TAFA4: variants seen among roughly 807,000 people sequenced by gnomAD.
The protein encoded by TAFA4 is TAFA chemokine like family member 4, also known as chemokine-like protein TAFA-4.
TAFA4 carries 20 observed loss-of-function variants against 21.1 expected under a neutral mutation model. That is an observed-to-expected ratio of 0.95 (90% CI 0.67 to 1.38). TAFA4 has a LOEUF of 1.38. TAFA4 is among the 40% of genes most tolerant of loss of function. TAFA4 has a pLI of 0.00. For synonymous variants in TAFA4, 71 were observed against 67.4 expected, an observed-to-expected ratio of 1.05 and a Z score of -0.26; for missense variants, 211 against 180.9, an observed-to-expected ratio of 1.17 and a Z score of -0.95.
At chr3:68,801,611 A>G (rs1040054071) in intron 3 of TAFA4, among the ~76,000 whole-genome samples, 13 of 152,348 alleles carry the variant, frequency 8.5e-5, no homozygotes, top group Non-Finnish European at 1.9e-4. Context: ...GTGGCAATTC[A>G]TTTAGGTCTT....
chr3:68,754,646 T>C (rs1702624911), intron 3 of TAFA4, among the ~76,000 whole-genome samples: 1 of 152,210 alleles, frequency 6.6e-6, no homozygotes, highest in African/African-American at 2.4e-5. Flanking sequence ...TTTTTCCCTT[T>C]ATATTAGTAA....
intron 2 of TAFA4, among the ~76,000 whole-genome samples, chr3:68,883,940 AAGGCAGGC>A (rs561739941): frequency 4.0e-5 from 6 of 151,386 alleles, no homozygotes; most frequent in African/African-American, 1.5e-4. Flanking sequence ...TCAAAAAAAG[AAGGCAGGC>A]AGGCAGGCAG....
intron 3 of TAFA4, among the ~76,000 whole-genome samples, chr3:68,753,333 A>AGTT (rs1702595361): frequency 2.4e-5 from 2 of 84,458 alleles, no homozygotes; most frequent in African/African-American, 5.6e-5. Flanking sequence ...AGATTGATAG[A>AGTT]GTTTTTTTTT....
Position 68,899,476 on chromosome 3 carries a change from CA to C in TAFA4, c.-122-14167del, listed in dbSNP as rs561759425. Among the ~76,000 whole-genome samples, 435 of 152,010 alleles carry C rather than the reference CA, an allele frequency of 2.9e-3. 5 individuals carry two copies. Among genetic ancestry groups the C allele is most frequent in the African/African-American group, 0.01 (421 of 41,462 alleles). ...TTAAACTTCTTCCATGGTTTGACAT[CA>C]TTGACTCAGATAAAGGCCTAGGAAG... is the stretch of plus-strand genomic sequence containing the variant. On this transcript the variant is annotated intron_variant, in intron 1 of 5. Coordinates refer to ENST00000295569, the MANE Select transcript of TAFA4 (RefSeq NM_182522.5).
At chr3:68,767,385 T>G (rs1353491613) in intron 3 of TAFA4, among the ~76,000 whole-genome samples, 1 of 152,022 alleles carries the variant, frequency 6.6e-6, no homozygotes, top group Non-Finnish European at 1.5e-5. Context: ...AGAATGGAAA[T>G]GATCTCGGGA....
chr3:68,919,647 A>G (rs536983242), intron 1 of TAFA4, among the ~76,000 whole-genome samples: 2 of 152,346 alleles, frequency 1.3e-5, no homozygotes, highest in South Asian at 2.1e-4. Context: ...CAAGTACTCA[A>G]AAGTGACATG....
intron 3 of TAFA4, among the ~76,000 whole-genome samples, chr3:68,850,983 G>A (rs903980470): frequency 6.6e-6 from 1 of 152,110 alleles, no homozygotes; most frequent in East Asian, 1.9e-4. Context: ...ATGGTACTGT[G>A]TAGACTGGGT....
chr3:68,882,716 T>G (rs2089631871), intron 2 of TAFA4, among the ~76,000 whole-genome samples: 1 of 152,224 alleles, frequency 6.6e-6, no homozygotes, highest in Non-Finnish European at 1.5e-5. Flanking sequence ...GCCTCTGGAC[T>G]TCCCCCAAAT....
rs1462317701 is a variant in TAFA4 at position 68,880,802 on chromosome 3, A to G, written c.58T>C (p.Phe20Leu). The change falls in exon 3 of 6, where the codon TTT becomes CTT. Residue 20 changes from phenylalanine to leucine, a missense_variant. Physicochemically the swap from Phe to Leu is conservative, Grantham distance 22. Coordinates refer to ENST00000295569, the MANE Select transcript of TAFA4 (RefSeq NM_182522.5). ...CACACCATTAACACGTAGGCTAGAA[A>G]GAGCCAGTGCGACAGCAACACTGAC... ...AKSVLLSHWL[F>L]LAYVLMVCCK... 6.2e-7 allele frequency: 1 copy of G among 1,613,834 alleles called. No homozygotes were observed. The highest frequency in any genetic ancestry group is 8.5e-7 in the Non-Finnish European group (1 of 1,179,952).
chr3:68,755,806 C>A (rs929742585), intron 3 of TAFA4, among the ~76,000 whole-genome samples: 1 of 152,206 alleles, frequency 6.6e-6, no homozygotes, highest in Non-Finnish European at 1.5e-5. Context: ...GCCCCTCCCA[C>A]ATTAAACCAG....
intron 3 of TAFA4, among the ~76,000 whole-genome samples, chr3:68,864,109 T>A (rs1359329165): frequency 6.6e-6 from 1 of 151,978 alleles, no homozygotes; most frequent in Non-Finnish European, 1.5e-5. Context: ...TTGGACTTTA[T>A]CAAAATAAAA....
At chr3:68,785,233 G>A (rs1275375544) in intron 3 of TAFA4, among the ~76,000 whole-genome samples, 2 of 152,232 alleles carry the variant, frequency 1.3e-5, no homozygotes, top group African/African-American at 4.8e-5. Flanking sequence ...CACCAGTCAG[G>A]AGCCCAGCTG....
At chr3:68,883,122 T>A (rs1312200615) in intron 2 of TAFA4, 1 of 152,312 alleles carries the variant, frequency 6.6e-6, no homozygotes, top group Non-Finnish European at 1.5e-5. Flanking sequence ...CTGGGTCTTC[T>A]GCTCAGAAAC....
At chr3:68,828,300 T>C (rs1704301195) in intron 3 of TAFA4, among the ~76,000 whole-genome samples, 1 of 152,200 alleles carries the variant, frequency 6.6e-6, no homozygotes. Context: ...TAGTTTGAAG[T>C]CAGGTAGCAT....
intron 1 of TAFA4, among the ~76,000 whole-genome samples, chr3:68,923,320 G>C (rs1337797297): frequency 6.6e-6 from 1 of 152,120 alleles, no homozygotes; most frequent in African/African-American, 2.4e-5. Flanking sequence ...TCTATAAAGT[G>C]ACTAAACGTG....
At chr3:68,749,593 T>C (rs1009579957) in intron 4 of TAFA4, among the ~76,000 whole-genome samples, 7 of 152,204 alleles carry the variant, frequency 4.6e-5, no homozygotes, top group African/African-American at 1.7e-4. Context: ...AAATCAGACA[T>C]ACATCCCAAC....
chr3:68,837,350 G>C (rs1214953879), intron 3 of TAFA4, among the ~76,000 whole-genome samples: 1 of 152,204 alleles, frequency 6.6e-6, no homozygotes, highest in Non-Finnish European at 1.5e-5. Context: ...TGACACATAT[G>C]ATCTCTGGAA....
At chr3:68,788,966 G>T (rs4855514) in intron 3 of TAFA4, among the ~76,000 whole-genome samples, 47,729 of 151,840 alleles carry the variant, frequency 0.31, 8,319 homozygotes, top group East Asian at 0.67. Context: ...TGGTGTGGTG[G>T]CTCACGCCTG....
intron 3 of TAFA4, among the ~76,000 whole-genome samples, chr3:68,791,919 C>T (rs1290501745): frequency 6.6e-6 from 1 of 152,172 alleles, no homozygotes; most frequent in African/African-American, 2.4e-5. Flanking sequence ...ACCTGGCCCA[C>T]AGGCCACCAG....
Sources: gnomAD v4.1 joint callset for allele counts (sites outside exome capture counted in the v4.1 genomes callset) on GRCh38, gnomAD v4.1.1 for gene constraint, MANE v1.5 for transcripts, NCBI Gene and HGNC (gene_info 2026-07-23, HGNC 2026-07-21) for gene names.